Variants in LRRC9 observed in about 807,000 individuals in gnomAD.
The protein encoded by LRRC9 is leucine-rich repeat-containing protein 9.
LRRC9 carries 122 observed loss-of-function variants against 63.2 expected under a neutral mutation model. The ratio of observed to expected loss-of-function variants is 1.93; its 90% CI spans 1.67 to 2.24. The LOEUF (loss-of-function observed/expected upper bound fraction) is 2.24, where lower values mean the gene tolerates loss of function less well. Ranked by LOEUF, LRRC9 falls within the 30% of genes most tolerant of loss-of-function variation. The pLI, the probability that LRRC9 is intolerant of heterozygous loss-of-function variation, is 0.00. For synonymous variants in LRRC9, 366 were observed against 213.1 expected (o/e 1.72, Z -6.25); for missense variants, 1,071 against 627.7 (o/e 1.71, Z -7.55).
chr14:59,936,068 G>A lies in LRRC9; in HGVS notation c.544-2322G>A, dbSNP rs778256213. 9.9e-5 allele frequency among the ~76,000 whole-genome samples: 15 copies of A among 152,128 alleles called. 1 individual carries two copies. Among genetic ancestry groups the A allele is most frequent in the South Asian group, 2.1e-4 (1 of 4,830 alleles). Reference sequence around the variant, plus strand: ...GCAGCATAATACGGTGGAACATGAAGTTTTGGTGAAATAACAATGTAAAGT... The same window carrying A: ...GCAGCATAATACGGTGGAACATGAAATTTTGGTGAAATAACAATGTAAAGT... On this transcript the variant is annotated intron_variant, in intron 6 of 31. Transcript: ENST00000445360. The surrounding 1 kb of genome is among the most constrained non-coding windows in gnomAD (Gnocchi z 4.2).
intron 23 of LRRC9, among the ~76,000 whole-genome samples, chr14:60,009,689 G>A (rs536651902): frequency 1.4e-4 from 21 of 152,272 alleles, no homozygotes; most frequent in African/African-American, 5.1e-4. Context: ...AGTCCAAAGT[G>A]TGAGCTGAGA....
chr14:59,944,530 T>A, intron 7 of LRRC9, 59 bp from the exon 8 acceptor site: 2 of 527,186 alleles, frequency 3.8e-6, no homozygotes, highest in South Asian at 6.4e-5. Context: ...ATAATACCAC[T>A]AACAATTGCC....
chr14:59,949,759 G>A (rs376479200), intron 8 of LRRC9, among the ~76,000 whole-genome samples: 3,194 of 150,980 alleles, frequency 0.021, 59 homozygotes, highest in South Asian at 0.049. Flanking sequence ...TATGTACCCA[G>A]TAGTCATTCA....
chr14:60,016,831 C>T, intron 24 of LRRC9, 41 bp downstream of exon 24: 2 of 613,388 alleles, frequency 3.3e-6, no homozygotes, highest in South Asian at 3.8e-5. Context: ...ATTATAATTA[C>T]ATTATGTAAT....
Position 60,031,889 on chromosome 14 carries a change from T to G in LRRC9, c.3922-106T>G. On this transcript the variant is annotated intron_variant, in intron 28 of 31. Coordinates refer to ENST00000445360, the Ensembl canonical transcript of LRRC9. The surrounding 1 kb of genome is among the most constrained non-coding windows in gnomAD (Gnocchi z 4.6). Reference sequence around the variant, plus strand: ...AAGCTCACTTCAGAGAATTCAATCATGAGCTAGCTGCAAACTAACACTTAC... The same window carrying G: ...AAGCTCACTTCAGAGAATTCAATCAGGAGCTAGCTGCAAACTAACACTTAC... 2 of 621,868 alleles carry G rather than the reference T, an allele frequency of 3.2e-6. No homozygotes were observed. The highest frequency in any genetic ancestry group is 2.9e-6 in the Non-Finnish European group (1 of 348,544). The allele number at this position is 621,868 out of a possible 1,614,324, so 38.5% of individuals were successfully genotyped here.
chr14:60,006,244 C>G (rs901402507), intron 21 of LRRC9, among the ~76,000 whole-genome samples, 153 bp from the exon 22 acceptor site: 3 of 152,016 alleles, frequency 2.0e-5, no homozygotes, highest in Admixed American at 2.0e-4. Context: ...TCTTCCAAAA[C>G]AAAGGCTTAA....
exon 32 of LRRC9, chr14:60,063,537 A>T: frequency 2.0e-6 from 1 of 501,278 alleles, no homozygotes; most frequent in Non-Finnish European, 3.5e-6. Flanking sequence ...AACTTGATTT[A>T]ATATCACCTC....
At chr14:59,929,155 AT>A (rs1483225079) in intron 3 of LRRC9, among the ~76,000 whole-genome samples, 1 of 152,056 alleles carries the variant, frequency 6.6e-6, no homozygotes, top group Non-Finnish European at 1.5e-5. Flanking sequence ...ATGGGAGAAA[AT>A]TTTTGCAAAC....
At chr14:59,993,521 T>C (rs1389030536) in intron 17 of LRRC9, among the ~76,000 whole-genome samples, 2 of 152,088 alleles carry the variant, frequency 1.3e-5, no homozygotes, top group Non-Finnish European at 2.9e-5. Context: ...GACTGGCAAA[T>C]TGGATAAAGA....
chr14:60,005,225 C>T (rs892360738), intron 21 of LRRC9, among the ~76,000 whole-genome samples: 6 of 152,012 alleles, frequency 3.9e-5, no homozygotes, highest in Admixed American at 3.9e-4. Flanking sequence ...ACTTAGGACA[C>T]TTATTGAAGA....
At chr14:60,024,170 G>C (rs1018236031) in intron 27 of LRRC9, among the ~76,000 whole-genome samples, 1 of 152,076 alleles carries the variant, frequency 6.6e-6, no homozygotes, top group South Asian at 2.1e-4. Flanking sequence ...CAGTAATGGG[G>C]TTGCTGGGTC....
chr14:60,013,627 T>TGA (rs1259831104), intron 23 of LRRC9, among the ~76,000 whole-genome samples: 1 of 152,176 alleles, frequency 6.6e-6, no homozygotes, highest in Non-Finnish European at 1.5e-5. Flanking sequence ...TGTTATGTCT[T>TGA]CTTGGTGGAC....
intron 27 of LRRC9, among the ~76,000 whole-genome samples, chr14:60,023,764 T>G (rs897628261): frequency 6.6e-6 from 1 of 152,102 alleles, no homozygotes; most frequent in Non-Finnish European, 1.5e-5. Flanking sequence ...TCATCTACAT[T>G]AGGTATTTCT....
chr14:59,985,560 C>A (rs535138803), intron 17 of LRRC9, among the ~76,000 whole-genome samples: 13 of 151,928 alleles, frequency 8.6e-5, no homozygotes, highest in Non-Finnish European at 1.6e-4. Context: ...CTCAAAGGAA[C>A]AGCTATAAAA....
rs1175594223 is a variant in LRRC9, at chr14:59,990,117, AG to A, written c.2211+4895del. Among the ~76,000 whole-genome samples, 1 of 151,882 alleles carries A rather than the reference AG, an allele frequency of 6.6e-6. No homozygotes were observed. The highest frequency in any genetic ancestry group is 1.5e-5 in the Non-Finnish European group (1 of 67,950). On this transcript the variant is annotated intron_variant, in intron 17 of 31. Transcript: ENST00000445360. This position sits in a 1 kb window ranked among gnomAD's most constrained non-coding sequence, Gnocchi z 4.2. Reference sequence around the variant, plus strand: ...TAACTTTGTATTTTTAGCAGAGATGAGGTTTCTCCGTGTTGGTCAGGCTGGT... The same window carrying A: ...TAACTTTGTATTTTTAGCAGAGATGAGTTTCTCCGTGTTGGTCAGGCTGGT...
At chr14:60,028,134 C>T (rs1337542358) in intron 28 of LRRC9, 33 bp downstream of exon 28, 14 of 670,252 alleles carry the variant, frequency 2.1e-5, no homozygotes, top group Non-Finnish European at 3.8e-5. Flanking sequence ...ATGGGATTTA[C>T]AAGCTTTAGT....
intron 2 of LRRC9, 126 bp downstream of exon 2, chr14:59,928,117 A>G: frequency 3.5e-6 from 2 of 575,864 alleles, no homozygotes; most frequent in Non-Finnish European, 3.0e-6. Flanking sequence ...TTTGGGAAGC[A>G]GAGAATAATC....
rs1022604918 is a variant in LRRC9, at chr14:59,927,165, A to C, written c.-33-746A>C. Among the ~76,000 whole-genome samples the C allele has an allele frequency of 1.3e-5, 2 of 152,054 alleles. No individual in the cohort carries two copies. Among genetic ancestry groups the C allele is most frequent in the Non-Finnish European group, 2.9e-5 (2 of 67,932 alleles). On this transcript the variant is annotated intron_variant, in intron 1 of 31. Transcript: ENST00000445360. The surrounding 1 kb of genome is among the most constrained non-coding windows in gnomAD (Gnocchi z 4.4). ...CATTTACATATATACACATGTATAC[A>C]CACATGCCTATGGGGGAGTTGTTAT...
At chr14:60,000,646 A>G (rs1014294152) in intron 19 of LRRC9, among the ~76,000 whole-genome samples, 3 of 152,142 alleles carry the variant, frequency 2.0e-5, no homozygotes, top group African/African-American at 7.2e-5. Context: ...AGTTTATTGT[A>G]AAAGGCAAAA....
Sources: gnomAD v4.1 joint callset for allele counts (sites outside exome capture counted in the v4.1 genomes callset) on GRCh38, gnomAD v4.1.1 for gene constraint, Gnocchi (gnomAD v3.1) non-coding constraint, MANE v1.5 for transcripts, NCBI Gene and HGNC (gene_info 2026-07-23, HGNC 2026-07-21) for gene names.